NBEA: variants seen among roughly 807,000 people sequenced by gnomAD.
NBEA encodes lysosomal-trafficking regulator 2.
In NBEA, 44 loss-of-function variants were observed where a neutral mutation model predicts 343.4. That is an observed-to-expected ratio of 0.13 (90% CI 0.10 to 0.16). NBEA has a LOEUF of 0.16. NBEA is among the 10% of genes least tolerant of loss of function. The probability of loss-of-function intolerance (pLI) is 1.00; values close to 1 mark genes in which losing one functional copy is unlikely to be tolerated. For missense variants in NBEA, 2,555 were observed against 3,631.3 expected (o/e 0.70, Z 7.62); for synonymous variants, 1,175 against 1,238.7 (o/e 0.95, Z 1.08).
intron 45 of NBEA, among the ~76,000 whole-genome samples, chr13:35,571,949 CA>C (rs888341873): frequency 6.6e-6 from 1 of 150,442 alleles, no homozygotes; most frequent in Middle Eastern, 3.4e-3. Flanking sequence ...AGCACAGGAG[CA>C]AAAAAAAAGT....
chr13:35,061,256 T>C (rs2063457229), intron 8 of NBEA, among the ~76,000 whole-genome samples: 2 of 151,728 alleles, frequency 1.3e-5, no homozygotes, highest in African/African-American at 4.8e-5. Flanking sequence ...GGTTATTTTC[T>C]GGAAACAGTA....
intron 36 of NBEA, among the ~76,000 whole-genome samples, chr13:35,325,693 A>G (rs187803089): frequency 1.2e-3 from 186 of 152,202 alleles, no homozygotes; most frequent in Non-Finnish European, 1.5e-4. Context: ...AAGTGTATAT[A>G]ACATTCAAGA....
chr13:35,223,529 G>A (rs1361756926), intron 33 of NBEA, among the ~76,000 whole-genome samples: 1 of 152,120 alleles, frequency 6.6e-6, no homozygotes, highest in Non-Finnish European at 1.5e-5. Context: ...TATGGAATGT[G>A]TCTTTATTCT....
At chr13:35,150,543 T>C in intron 18 of NBEA, among the ~76,000 whole-genome samples, 1 of 152,190 alleles carries the variant, frequency 6.6e-6, no homozygotes, top group East Asian at 1.9e-4. Flanking sequence ...AGGAAATCGC[T>C]TCCAGACTCT....
chr13:35,550,632 T>C (rs1365040283), intron 42 of NBEA, 38 bp downstream of exon 42: 2 of 1,245,346 alleles, frequency 1.6e-6, no homozygotes, highest in African/African-American at 3.0e-5. Context: ...AATGTGCTCA[T>C]ATTTACATAT....
chr13:35,151,964 G>C (rs1436020579), intron 18 of NBEA, among the ~76,000 whole-genome samples: 2 of 152,022 alleles, frequency 1.3e-5, no homozygotes, highest in Non-Finnish European at 2.9e-5. Flanking sequence ...TTTTCTGCAG[G>C]CAAAACAAGT....
intron 28 of NBEA, among the ~76,000 whole-genome samples, chr13:35,180,333 A>C (rs1343301250): frequency 6.6e-6 from 1 of 151,790 alleles, no homozygotes; most frequent in East Asian, 1.9e-4. Context: ...GATATACTCT[A>C]GTATATTAGA....
chr13:35,422,453 C>G (rs180977809), intron 38 of NBEA, among the ~76,000 whole-genome samples: 5 of 152,200 alleles, frequency 3.3e-5, no homozygotes, highest in Non-Finnish European at 7.4e-5. Context: ...CCAGTTTCAT[C>G]CATGTCCCTA....
intron 41 of NBEA, among the ~76,000 whole-genome samples, chr13:35,493,966 T>C (rs1390384317): frequency 6.6e-6 from 1 of 151,844 alleles, no homozygotes; most frequent in South Asian, 2.1e-4. Context: ...TAAAAATGAA[T>C]TCATTTTATA....
chr13:35,563,685 T>C (rs1406028799), intron 44 of NBEA, among the ~76,000 whole-genome samples: 4 of 151,818 alleles, frequency 2.6e-5, no homozygotes, highest in Non-Finnish European at 5.9e-5. Context: ...TAAAAATTAC[T>C]AAAATTTTCT....
At chr13:35,619,131 A>T (rs2082867616) in intron 48 of NBEA, among the ~76,000 whole-genome samples, 1 of 151,220 alleles carries the variant, frequency 6.6e-6, no homozygotes, top group Non-Finnish European at 1.5e-5. Flanking sequence ...TACTTTTAAA[A>T]ACCCCAGCTT....
rs756681727 is a variant in NBEA at position 35,670,964 on chromosome 13, G to C, written c.8877G>C (p.Trp2959Cys). The C allele has an allele frequency of 6.3e-7, 1 of 1,583,590 alleles. No homozygotes were observed. The highest frequency in any genetic ancestry group is 1.2e-5 in the South Asian group (1 of 86,406). ...CTTTTAATATAGATTTTAATCGGTG[G>C]CATTATGAGCATCAGAACAGATACT... is the stretch of plus-strand genomic sequence containing the variant. Reference protein sequence around the residue: ...IVAFNIDFNRWHYEHQNRY With the variant: ...IVAFNIDFNRCHYEHQNRY Residue 2959 changes from tryptophan (W) to cysteine (C), a missense_variant, in exon 59 of 59, where the codon TGG becomes TGC. Around this residue, in one of 21 missense-constraint regions of NBEA, gnomAD observed 186 missense variants for 328.9 expected, o/e 0.57. Transcript: ENST00000379939.
chr13:35,002,055 A>G (rs2061159861), intron 1 of NBEA, among the ~76,000 whole-genome samples: 1 of 152,192 alleles, frequency 6.6e-6, no homozygotes, highest in Non-Finnish European at 1.5e-5. Context: ...TGGTTAAAGG[A>G]AAGATAAACT....
chr13:35,542,832 T>C (rs2078896009), intron 41 of NBEA, among the ~76,000 whole-genome samples: 1 of 152,122 alleles, frequency 6.6e-6, no homozygotes, highest in Non-Finnish European at 1.5e-5. Context: ...GATTGATTAC[T>C]ATTATCATCT....
chr13:35,581,319 T>G (rs902793655), intron 45 of NBEA, among the ~76,000 whole-genome samples: 1 of 152,060 alleles, frequency 6.6e-6, no homozygotes, highest in Admixed American at 6.5e-5. Context: ...CCATTCTAAC[T>G]GGTGTGAGAT....
At chr13:35,260,645 A>G (rs185357641) in intron 34 of NBEA, among the ~76,000 whole-genome samples, 20 of 152,362 alleles carry the variant, frequency 1.3e-4, no homozygotes, top group Non-Finnish European at 2.4e-4. Context: ...ATAGCTTGAG[A>G]AATCTGCCTA....
intron 31 of NBEA, among the ~76,000 whole-genome samples, chr13:35,204,397 A>G (rs1455380879): frequency 6.6e-6 from 1 of 152,124 alleles, no homozygotes; most frequent in East Asian, 1.9e-4. Context: ...CGCTTCTTAT[A>G]TGGTGGTAGC....
intron 1 of NBEA, among the ~76,000 whole-genome samples, chr13:34,994,647 G>A (rs1407079065): frequency 2.0e-5 from 3 of 152,024 alleles, no homozygotes; most frequent in African/African-American, 7.2e-5. Context: ...TGTTGTGTAT[G>A]AGCAATAAAA....
chr13:35,226,810 A>G lies in NBEA; in HGVS notation c.5649-5682A>G, dbSNP rs545705216. Among the ~76,000 whole-genome samples, 18 of 152,080 alleles carry G rather than the reference A, an allele frequency of 1.2e-4. No individual in the cohort carries two copies. In the South Asian group the frequency reaches 3.5e-3, roughly 30 times the overall value. On this transcript the variant is annotated intron_variant, in intron 33 of 58. Transcript: ENST00000379939. ...CTATTCACAGATGCGATCATGGCAC[A>G]CAACAGCTCTGAATTCCTGGGCTCA...
Sources: allele counts gnomAD v4.1 joint callset (sites outside exome capture counted in the v4.1 genomes callset), GRCh38; gene constraint gnomAD v4.1.1; regional missense constraint gnomAD v4.1.1; transcripts MANE v1.5; gene names NCBI Gene and HGNC (gene_info 2026-07-23, HGNC 2026-07-21).